The following LOC122539214 variants were observed in gnomAD, a reference collection of about 807,000 sequenced individuals.
the LOC122539214 span, among the ~76,000 whole-genome samples, chr19:52,676,404 C>G: frequency 6.6e-6 from 1 of 152,170 alleles, no homozygotes; most frequent in Admixed American, 6.5e-5. Flanking sequence ...GGCCGCCACC[C>G]CGTCTGGGAA....
the LOC122539214 span, among the ~76,000 whole-genome samples, chr19:52,668,162 G>A: frequency 2.0e-5 from 3 of 152,044 alleles, no homozygotes; most frequent in African/African-American, 7.2e-5. Context: ...CATCAGCATC[G>A]GCCTGGGGAT....
the LOC122539214 span, among the ~76,000 whole-genome samples, chr19:52,685,731 T>C: frequency 6.6e-6 from 1 of 151,828 alleles, no homozygotes; most frequent in African/African-American, 2.4e-5. Flanking sequence ...ACCTTGTCTC[T>C]ACTAAAAATA....
the LOC122539214 span, among the ~76,000 whole-genome samples, chr19:52,681,540 C>G: frequency 6.6e-6 from 1 of 152,270 alleles, no homozygotes; most frequent in South Asian, 2.1e-4. Flanking sequence ...CTTCCCATGT[C>G]TTAAGCCATA....
At chr19:52,680,251 T>A in the LOC122539214 span, among the ~76,000 whole-genome samples, 1 of 152,056 alleles carries the variant, frequency 6.6e-6, no homozygotes, top group Non-Finnish European at 1.5e-5. Flanking sequence ...AGAGCCAAGA[T>A]AGACAAGAGC....
the LOC122539214 span, among the ~76,000 whole-genome samples, chr19:52,666,754 CA>C: frequency 1.3e-5 from 2 of 151,718 alleles, no homozygotes; most frequent in Non-Finnish European, 2.9e-5. Flanking sequence ...GGTTTTCTAA[CA>C]GGGGGTCTAA....
chr19:52,661,458 C>A, the LOC122539214 span, among the ~76,000 whole-genome samples: 1 of 152,184 alleles, frequency 6.6e-6, no homozygotes, highest in Non-Finnish European at 1.5e-5. Flanking sequence ...GGATCACAGA[C>A]TGACCTCAGT....
chr19:52,687,544 A>T, the LOC122539214 span, among the ~76,000 whole-genome samples: 2 of 25,138 alleles, frequency 8.0e-5, 1 homozygote, highest in Admixed American at 6.9e-4. Flanking sequence ...TATATATATA[A>T]ATTATATGTG....
chr19:52,651,516 C>A, the LOC122539214 span: 2 of 152,220 alleles, frequency 1.3e-5, no homozygotes, highest in Non-Finnish European at 2.9e-5. Flanking sequence ...GCCTTCTCAA[C>A]CATCTCTGTG....
chr19:52,667,225 A>G, the LOC122539214 span, among the ~76,000 whole-genome samples: 3 of 90,386 alleles, frequency 3.3e-5, no homozygotes, highest in East Asian at 4.3e-4. Context: ...ATCATCTTTG[A>G]AAAAAAAAAA....
the LOC122539214 span, among the ~76,000 whole-genome samples, chr19:52,675,246 T>C: frequency 6.6e-6 from 1 of 152,178 alleles, no homozygotes; most frequent in Non-Finnish European, 1.5e-5. Flanking sequence ...CCCACAGTGT[T>C]CATGTACTTC....
chr19:52,668,185 A>G, the LOC122539214 span, among the ~76,000 whole-genome samples: 1 of 152,126 alleles, frequency 6.6e-6, no homozygotes, highest in African/African-American at 2.4e-5. Context: ...CGTTCTCATC[A>G]AAGGATGGAA....
the LOC122539214 span, among the ~76,000 whole-genome samples, chr19:52,680,603 AATAT>A: frequency 9.3e-4 from 95 of 101,722 alleles, no homozygotes; most frequent in Non-Finnish European, 1.5e-3. Flanking sequence ...TTTTCCACAA[AATAT>A]TTTTTTTTTT....
At chr19:52,684,219 A>G in the LOC122539214 span, among the ~76,000 whole-genome samples, 2 of 152,240 alleles carry the variant, frequency 1.3e-5, no homozygotes, top group East Asian at 3.9e-4. Context: ...AAACATAAAA[A>G]GTAGCCTGGC....
the LOC122539214 span, among the ~76,000 whole-genome samples, chr19:52,667,479 A>G: frequency 1.3e-5 from 2 of 152,240 alleles, no homozygotes; most frequent in Non-Finnish European, 2.9e-5. Context: ...TTGAAGAAAC[A>G]GTTTATGTGC....
chr19:52,654,552 A>G, the LOC122539214 span: 1 of 423,550 alleles, frequency 2.4e-6, no homozygotes, highest in Non-Finnish European at 4.0e-6. Flanking sequence ...CCCTGTCTCT[A>G]TTAAAAATAC....
the LOC122539214 span, among the ~76,000 whole-genome samples, chr19:52,673,063 C>CA: frequency 2.8e-3 from 425 of 151,574 alleles, 3 homozygotes; most frequent in Non-Finnish European, 4.1e-3. Context: ...ACCAAAAATA[C>CA]AAAAAAAACT....
At chr19:52,664,754 G>T in the LOC122539214 span, among the ~76,000 whole-genome samples, 3 of 151,586 alleles carry the variant, frequency 2.0e-5, no homozygotes, top group South Asian at 2.1e-4. Flanking sequence ...GGCCTGGTGT[G>T]GGGGGGTGAG....
At chr19:52,680,782 T>G in the LOC122539214 span, among the ~76,000 whole-genome samples, 1 of 146,532 alleles carries the variant, frequency 6.8e-6, no homozygotes, top group Non-Finnish European at 1.5e-5. Flanking sequence ...CCGGCTAATT[T>G]TTTGTATTTT....
chr19:52,685,321 G>A, the LOC122539214 span, among the ~76,000 whole-genome samples: 2 of 152,140 alleles, frequency 1.3e-5, no homozygotes, highest in Admixed American at 6.5e-5. Context: ...GAGAAGGTGT[G>A]TCTGAATTCT....
Sources: gnomAD v4.1 joint callset for allele counts (sites outside exome capture counted in the v4.1 genomes callset) on GRCh38, gnomAD v4.1.1 for gene constraint, MANE v1.5 for transcripts.